KHDRBS2: variants seen among roughly 807,000 people sequenced by gnomAD.
The protein encoded by KHDRBS2 is KH RNA binding domain containing, signal transduction associated 2, also known as KH domain-containing, RNA-binding, signal transduction-associated protein 2.
KHDRBS2 carries 26 observed loss-of-function variants against 44.3 expected under a neutral mutation model. The ratio of observed to expected loss-of-function variants is 0.59; its 90% CI spans 0.43 to 0.81. The LOEUF (loss-of-function observed/expected upper bound fraction) is 0.81. Ranked by LOEUF, KHDRBS2 falls within the 40% of genes least tolerant of loss-of-function variation. The probability of loss-of-function intolerance (pLI) is 0.00; values close to 1 mark genes in which losing one functional copy is unlikely to be tolerated. For synonymous variants in KHDRBS2, 194 were observed against 151.1 expected (o/e 1.28, Z -2.08); for missense variants, 476 against 433.1 (o/e 1.10, Z -0.88).
the KHDRBS2 span, among the ~76,000 whole-genome samples, chr6:61,604,760 A>G: frequency 6.6e-6 from 1 of 152,166 alleles, no homozygotes; most frequent in Non-Finnish European, 1.5e-5. Context: ...CTGAGTCAGG[A>G]AACTAAAATA....
At chr6:62,092,717 C>T (rs1164570593) in intron 2 of KHDRBS2, among the ~76,000 whole-genome samples, 1 of 152,120 alleles carries the variant, frequency 6.6e-6, no homozygotes, top group African/African-American at 2.4e-5. Flanking sequence ...CTTTAATTTA[C>T]AGGCAAAGTG....
chr6:61,953,958 GAA>G (rs989093884), intron 4 of KHDRBS2, among the ~76,000 whole-genome samples: 6 of 151,998 alleles, frequency 3.9e-5, no homozygotes, highest in African/African-American at 1.4e-4. Context: ...TTTCTAGACT[GAA>G]AAAAAGAGAC....
intron 2 of KHDRBS2, among the ~76,000 whole-genome samples, chr6:62,159,530 G>A (rs770906429): frequency 6.6e-6 from 1 of 152,066 alleles, no homozygotes; most frequent in Non-Finnish European, 1.5e-5. Flanking sequence ...TTCCATAAGT[G>A]GGAGTATCTT....
chr6:62,060,627 C>A lies in KHDRBS2; in HGVS notation c.220-12633G>T, dbSNP rs1242227251. On this transcript the variant is annotated intron_variant, in intron 2 of 8. Transcript: ENST00000281156. Reference sequence around the variant, plus strand: ...TCTCTCTGTCTCTCTCTCTCTCTCTCTCTCTCTATATATATATATATGAAC... The same window carrying A: ...TCTCTCTGTCTCTCTCTCTCTCTCTATCTCTCTATATATATATATATGAAC... Among the ~76,000 whole-genome samples, 555 of 149,606 alleles carry A rather than the reference C, an allele frequency of 3.7e-3. 1 individual carries two copies. Among genetic ancestry groups the A allele is most frequent in the African/African-American group, 4.9e-3 (199 of 40,904 alleles).
the KHDRBS2 span, among the ~76,000 whole-genome samples, chr6:61,584,259 A>G: frequency 6.6e-6 from 1 of 151,870 alleles, no homozygotes. Flanking sequence ...GTTAAATAGA[A>G]GTGATGAAAG....
rs532470621 is a variant in KHDRBS2, at chr6:61,707,882, G to A, written c.894-10629C>T. ...AAGATAATATATTCTATACGTAACT[G>A]CTATTATGAGTTAATTCCTATAGAG... On this transcript the variant is annotated intron_variant, in intron 7 of 8. Transcript: ENST00000281156. Among the ~76,000 whole-genome samples, 21 of 151,708 alleles carry A rather than the reference G, an allele frequency of 1.4e-4. No homozygotes were observed. The South Asian group carries it at 2.7e-3, about 19-fold the overall frequency.
At chr6:61,732,516 A>C (rs1427530016) in intron 7 of KHDRBS2, among the ~76,000 whole-genome samples, 166 bp downstream of exon 7, 1 of 152,200 alleles carries the variant, frequency 6.6e-6, no homozygotes, top group African/African-American at 2.4e-5. Context: ...CAAGGTTATT[A>C]TAGTTTAACT....
At chr6:61,752,101 A>C (rs1337343514) in intron 6 of KHDRBS2, among the ~76,000 whole-genome samples, 1 of 152,170 alleles carries the variant, frequency 6.6e-6, no homozygotes, top group East Asian at 1.9e-4. Context: ...TAAAGCCTCA[A>C]CATATGAATT....
chr6:62,018,567 G>T (rs1028383416), intron 3 of KHDRBS2, among the ~76,000 whole-genome samples: 1 of 151,716 alleles, frequency 6.6e-6, no homozygotes, highest in African/African-American at 2.4e-5. Flanking sequence ...GGATGATCTC[G>T]ATATCCTGAC....
chr6:61,755,363 G>A (rs1276114785), intron 6 of KHDRBS2, among the ~76,000 whole-genome samples: 1 of 152,040 alleles, frequency 6.6e-6, no homozygotes, highest in East Asian at 1.9e-4. Flanking sequence ...CTGCCTTAGA[G>A]CCTTATTAGT....
intron 2 of KHDRBS2, among the ~76,000 whole-genome samples, chr6:62,144,626 G>A (rs1227439329): frequency 6.6e-6 from 1 of 151,814 alleles, no homozygotes; most frequent in Non-Finnish European, 1.5e-5. Context: ...ATTTACTCTA[G>A]TATTTTAAAT....
At chr6:62,091,434 G>A (rs532296046) in intron 2 of KHDRBS2, among the ~76,000 whole-genome samples, 1 of 152,160 alleles carries the variant, frequency 6.6e-6, no homozygotes, top group African/African-American at 2.4e-5. Context: ...AAATCCCTTG[G>A]CGTTTAATAG....
At chr6:61,567,313 T>G in the KHDRBS2 span, among the ~76,000 whole-genome samples, 1 of 152,200 alleles carries the variant, frequency 6.6e-6, no homozygotes, top group South Asian at 2.1e-4. Flanking sequence ...AGGTCCTAGA[T>G]CTAAAGTTTA....
chr6:62,107,751 A>G (rs368079888), intron 2 of KHDRBS2, among the ~76,000 whole-genome samples: 3 of 152,200 alleles, frequency 2.0e-5, no homozygotes, highest in Admixed American at 1.3e-4. Flanking sequence ...CAGAGATATA[A>G]ATCAAGGGAA....
chr6:62,238,014 T>C (rs897038986), intron 1 of KHDRBS2, among the ~76,000 whole-genome samples: 14 of 148,276 alleles, frequency 9.4e-5, no homozygotes, highest in South Asian at 4.2e-4. Context: ...GATCGCACCA[T>C]TGCACTCCAG....
At chr6:61,994,922 ATATTC>A (rs1415311017) in intron 3 of KHDRBS2, among the ~76,000 whole-genome samples, 1 of 152,044 alleles carries the variant, frequency 6.6e-6, no homozygotes, top group Non-Finnish European at 1.5e-5. Context: ...AGAAGGGAAA[ATATTC>A]TAAGGGAGGC....
chr6:62,095,673 T>A lies in KHDRBS2; in HGVS notation c.220-47679A>T, dbSNP rs540459679. On this transcript the variant is annotated intron_variant, in intron 2 of 8. Transcript: ENST00000281156. ...TCATGTTGTCTCCAAACAGGGACAA[T>A]CTAACTTTCTCATTTCTAATTTGTA... is the stretch of plus-strand genomic sequence containing the variant. 1.6e-4 allele frequency among the ~76,000 whole-genome samples: 25 copies of A among 152,052 alleles called. No homozygotes were observed. The South Asian group carries it at 5.0e-3, about 30-fold the overall frequency.
intron 1 of KHDRBS2, among the ~76,000 whole-genome samples, chr6:62,213,912 T>C (rs371375713): frequency 9.2e-5 from 12 of 130,588 alleles, no homozygotes; most frequent in African/African-American, 3.6e-4. Flanking sequence ...AAGAATGAAG[T>C]ATCTTAGCCA....
chr6:62,265,916 T>C lies in KHDRBS2; in HGVS notation c.91+19942A>G, dbSNP rs182476491. Among the ~76,000 whole-genome samples the C allele has an allele frequency of 6.5e-3, 982 of 152,208 alleles. 6 individuals carry two copies. Among genetic ancestry groups the C allele is most frequent in the Middle Eastern group, 0.01 (3 of 294 alleles). ...TTGTATAACCTTGCAAGTGGTGATT[T>C]GTAATATGGCAGGCTGTTATCAGGC... is the stretch of plus-strand genomic sequence containing the variant. On this transcript the variant is annotated intron_variant, in intron 1 of 8. Transcript: ENST00000281156.
Sources: allele counts gnomAD v4.1 joint callset (sites outside exome capture counted in the v4.1 genomes callset), GRCh38; gene constraint gnomAD v4.1.1; transcripts MANE v1.5; gene names NCBI Gene and HGNC (gene_info 2026-07-23, HGNC 2026-07-21).